Variants in VILL observed in about 807,000 individuals in gnomAD.
The protein encoded by VILL is villin like.
VILL carries 102 observed loss-of-function variants against 106.3 expected under a neutral mutation model. That is an observed-to-expected ratio of 0.96 (90% CI 0.82 to 1.13). The LOEUF is 1.13. Among genes scored for constraint, VILL ranks in the 50% most tolerant of loss-of-function variants. VILL has a pLI of 0.00. For missense variants in VILL, 1,076 were observed against 1,116.6 expected (o/e 0.96, Z 0.52); for synonymous variants, 431 against 440.3 (o/e 0.98, Z 0.27).
At chr3:37,991,349 G>A (rs1575332170) in intron 1 of VILL, among the ~76,000 whole-genome samples, 2 of 151,248 alleles carry the variant, frequency 1.3e-5, no homozygotes, top group African/African-American at 4.9e-5. Flanking sequence ...GGGAAAGAGA[G>A]GGGAGCCTGG....
chr3:38,006,213 C>T lies in VILL; in HGVS notation c.2166C>T (p.Gly722=). The change falls in exon 18 of 20, where the codon GGC becomes GGT. Residue 722 remains glycine (G), a synonymous_variant. Transcript: ENST00000383759. ...SHPSHKEVVD[G]SPAAASTISE... ...CGTCCCACAAGGAAGTGGTGGATGG[C>T]AGCCCGGCAGCAGCATCAACCATCT... 7 of 1,614,208 alleles carry T rather than the reference C, an allele frequency of 4.3e-6. No individual in the cohort carries two copies. The highest frequency in any genetic ancestry group is 5.9e-6 in the Non-Finnish European group (7 of 1,180,020).
At chr3:37,989,960 C>G (rs979633774), upstream of VILL, among the ~76,000 whole-genome samples, 6 of 152,320 alleles carry the variant, frequency 3.9e-5, no homozygotes, top group African/African-American at 1.2e-4. Flanking sequence ...TAACAGAGAC[C>G]TTTGTGGGGT....
At position 38,003,602 on chromosome 3, in the gene VILL, C is replaced by A. The variant is rs118141999; in HGVS notation, c.1805+289C>A. 3 of 421,278 alleles carry A rather than the reference C, an allele frequency of 7.1e-6. No homozygotes were observed. In the East Asian group the frequency reaches 1.4e-4, roughly 20 times the overall value. The allele number at this position is 421,278 out of a possible 1,614,324, so 26.1% of individuals were successfully genotyped here. On this transcript the variant is annotated intron_variant, in intron 15 of 19. Transcript: ENST00000383759. ...CTGGGCCAGGGGACAAAGCACCCTT[C>A]CCCACCCTACAGTCCTCAGGGATCA...
intron 15 of VILL, 169 bp from the exon 16 acceptor site, chr3:38,004,086 T>C: frequency 1.7e-5 from 14 of 814,364 alleles, no homozygotes; most frequent in Non-Finnish European, 2.4e-5. Flanking sequence ...AGAGGGACCC[T>C]GTACCCAGAG....
chr3:38,001,963 C>A, intron 13 of VILL, 103 bp downstream of exon 13: 1 of 1,539,496 alleles, frequency 6.5e-7, no homozygotes, highest in Non-Finnish European at 8.8e-7. Context: ...CTGGGGCCTG[C>A]TTATCATCCC....
chr3:37,997,000 G>C (rs376699774), intron 5 of VILL, 77 bp from the exon 6 acceptor site: 6 of 1,323,958 alleles, frequency 4.5e-6, no homozygotes, highest in Non-Finnish European at 6.5e-6. Flanking sequence ...TCATGCACAC[G>C]TGACACATCC....
Position 38,005,887 on chromosome 3 carries a change from G to A in VILL, c.2046G>A (p.Pro682=), listed in dbSNP as rs139612650. 9.1e-5 allele frequency: 147 copies of A among 1,614,004 alleles called. No individual in the cohort carries two copies. The highest frequency in any genetic ancestry group is 3.2e-4 in the South Asian group (29 of 91,080). ...AGACTCACCCAGCAGGGAGGAGCCC[G>A]GCCACACCCATCGTGCTGGTCAAGC... ...YLKTHPAGRS[P]ATPIVLVKQG... Residue 682 remains proline, a synonymous_variant, in exon 17 of 20, where the codon CCG becomes CCA. Coordinates refer to ENST00000383759, the MANE Select transcript of VILL (RefSeq NM_015873.4).
At chr3:38,002,017 G>A (rs1264721121) in intron 13 of VILL, 157 bp downstream of exon 13, 3 of 1,256,956 alleles carry the variant, frequency 2.4e-6, no homozygotes, top group Non-Finnish European at 3.3e-6. Context: ...CTCCAAGGTT[G>A]GCCCCCTGCC....
At position 37,997,741 on chromosome 3, in the gene VILL, A is replaced by C. The variant is rs1699732019; in HGVS notation, c.764+56A>C. 1.3e-6 allele frequency: 2 copies of C among 1,550,644 alleles called. No homozygotes were observed. The highest frequency in any genetic ancestry group is 2.7e-5 in the African/African-American group (2 of 73,924). ...TGGGACAGTCCAGGACTCTGTGTCC[A>C]TCACTACTGCAATAACACGGCATCT... On this transcript the variant is annotated intron_variant, in intron 7 of 19. Transcript: ENST00000383759. This position sits in a 1 kb window ranked among gnomAD's most constrained non-coding sequence, Gnocchi z 4.7.
At chr3:37,995,666 T>C in intron 4 of VILL, 73 bp from the exon 5 acceptor site, 5 of 1,269,294 alleles carry the variant, frequency 3.9e-6, no homozygotes, top group Non-Finnish European at 4.6e-6. Context: ...ACATCTGCAG[T>C]CATTCATGCA....
chr3:37,996,051 G>A (rs1371223617), intron 5 of VILL, among the ~76,000 whole-genome samples: 3 of 152,156 alleles, frequency 2.0e-5, no homozygotes, highest in East Asian at 1.9e-4. Flanking sequence ...TTGTTTATGC[G>A]TCTATCTCAG....
intron 11 of VILL, 82 bp from the exon 12 acceptor site, chr3:38,001,374 A>C: frequency 6.4e-7 from 1 of 1,574,320 alleles, no homozygotes; most frequent in Non-Finnish European, 8.6e-7. Flanking sequence ...GAGGCTGGGG[A>C]GAGCTTTCCG....
chr3:38,002,811 C>T (rs563296305), intron 14 of VILL: 72 of 574,800 alleles, frequency 1.3e-4, no homozygotes. Context: ...CCCCTCCTTA[C>T]TGCCTGGAGC....
chr3:37,992,780 C>T lies in VILL; in HGVS notation c.-86-807C>T, dbSNP rs150319644. Among the ~76,000 whole-genome samples the T allele has an allele frequency of 2.1e-3, 325 of 152,308 alleles. 2 individuals carry two copies. Among genetic ancestry groups the T allele is most frequent in the African/African-American group, 7.5e-3 (313 of 41,552 alleles). ...TTCTTTGGCTACATGTTGGGTGTTGCCACAGTGTACTGTGAACTCACCAGG... is the reference window on the plus strand; with the variant it reads ...TTCTTTGGCTACATGTTGGGTGTTGTCACAGTGTACTGTGAACTCACCAGG... On this transcript the variant is annotated intron_variant, in intron 1 of 19. Coordinates refer to ENST00000383759, the MANE Select transcript of VILL (RefSeq NM_015873.4).
At chr3:38,006,865 T>TGACA in intron 19 of VILL, 77 bp from the exon 20 acceptor site, 7 of 1,511,554 alleles carry the variant, frequency 4.6e-6, no homozygotes, top group Non-Finnish European at 6.3e-6. Flanking sequence ...CCTGGATGAC[T>TGACA]GACACTACTG....
intron 11 of VILL, 128 bp from the exon 12 acceptor site, chr3:38,001,328 G>A: frequency 3.6e-6 from 5 of 1,379,574 alleles, no homozygotes; most frequent in Non-Finnish European, 4.0e-6. Context: ...GGAGCTGAGG[G>A]TGGGCCCCTG....
rs1412607656 is a variant in VILL, at chr3:37,998,728, C to T, written c.943-184C>T. 2.0e-5 allele frequency among the ~76,000 whole-genome samples: 3 copies of T among 152,074 alleles called. No individual in the cohort carries two copies. Among genetic ancestry groups the T allele is most frequent in the African/African-American group, 7.2e-5 (3 of 41,406 alleles). On this transcript the variant is annotated intron_variant, in intron 9 of 19. Transcript: ENST00000383759. This position sits in a 1 kb window ranked among gnomAD's most constrained non-coding sequence, Gnocchi z 4.1. ...CTGCACGAGGCCTAGACTAAGGGGG[C>T]CCTGCCTGCCCTCAGGGACCTCAGA...
chr3:38,002,629 G>T (rs938958502), intron 14 of VILL, 54 bp downstream of exon 14: 4 of 1,572,640 alleles, frequency 2.5e-6, no homozygotes, highest in African/African-American at 2.7e-5. Flanking sequence ...GTGCCAGGCT[G>T]GGGGTGGGTC....
chr3:38,002,197 G>T, intron 13 of VILL, 199 bp from the exon 14 acceptor site: 1 of 639,600 alleles, frequency 1.6e-6, no homozygotes, highest in Admixed American at 2.9e-5. Context: ...CATTTAAAAA[G>T]GGTCTGTCCC....
Sources: allele counts gnomAD v4.1 joint callset (sites outside exome capture counted in the v4.1 genomes callset), GRCh38; gene constraint gnomAD v4.1.1; non-coding constraint Gnocchi (gnomAD v3.1); transcripts MANE v1.5; gene names NCBI Gene and HGNC (gene_info 2026-07-23, HGNC 2026-07-21).